The following FAM81A variants were observed in gnomAD, a reference collection of about 807,000 sequenced individuals.
FAM81A encodes the protein family with sequence similarity 81 member A, also known as protein FAM81A.
FAM81A carries 19 observed loss-of-function variants against 46.7 expected under a neutral mutation model. That is an observed-to-expected ratio of 0.41 (90% CI 0.28 to 0.60). FAM81A has a LOEUF of 0.60. Ranked by LOEUF, FAM81A falls within the 20% of genes least tolerant of loss-of-function variation. The pLI is 0.34. For synonymous variants in FAM81A, 183 were observed against 152.9 expected, an observed-to-expected ratio of 1.20 and a Z score of -1.45; for missense variants, 377 against 453.5, an observed-to-expected ratio of 0.83 and a Z score of 1.53.
At chr15:59,414,770 C>T (rs1338951516) in intron 2 of FAM81A, among the ~76,000 whole-genome samples, 3 of 152,078 alleles carry the variant, frequency 2.0e-5, no homozygotes, top group Admixed American at 1.3e-4. Context: ...GTGTATTTAG[C>T]GATGGCATTT....
intron 3 of FAM81A, among the ~76,000 whole-genome samples, chr15:59,485,449 G>T (rs1445890382): frequency 2.0e-5 from 3 of 152,186 alleles, no homozygotes; most frequent in African/African-American, 7.2e-5. Context: ...GAGAAAGTAA[G>T]GGAAGGGAAG....
At chr15:59,400,419 A>G (rs1196722049) in intron 1 of FAM81A, among the ~76,000 whole-genome samples, 1 of 152,188 alleles carries the variant, frequency 6.6e-6, no homozygotes, top group African/African-American at 2.4e-5. Flanking sequence ...TCCCGATCAT[A>G]GCAGTGGTTG....
chr15:59,481,593 C>G (rs890811865), intron 3 of FAM81A, among the ~76,000 whole-genome samples: 8 of 151,996 alleles, frequency 5.3e-5, no homozygotes, highest in Non-Finnish European at 1.0e-4. Flanking sequence ...TACACACTTT[C>G]CCTTGTTGCT....
intron 2 of FAM81A, among the ~76,000 whole-genome samples, chr15:59,405,598 G>A (rs531286626): frequency 1.3e-4 from 19 of 151,924 alleles, no homozygotes; most frequent in African/African-American, 4.3e-4. Context: ...CCGAGATCAC[G>A]CCACTGCACA....
intron 4 of FAM81A, among the ~76,000 whole-genome samples, chr15:59,492,976 G>A (rs117910370): frequency 6.6e-5 from 10 of 152,258 alleles, no homozygotes; most frequent in Middle Eastern, 3.4e-3. Flanking sequence ...GGGAAAGTCC[G>A]GGAAGCACTG....
intron 2 of FAM81A, among the ~76,000 whole-genome samples, chr15:59,414,629 G>A (rs564695403): frequency 9.9e-5 from 15 of 152,192 alleles, no homozygotes; most frequent in African/African-American, 3.4e-4. Flanking sequence ...CTCCTGAGGA[G>A]GGGACTGGTG....
intron 1 of FAM81A, among the ~76,000 whole-genome samples, chr15:59,443,716 AC>A (rs2081325266): frequency 6.6e-6 from 1 of 152,106 alleles, no homozygotes; most frequent in Non-Finnish European, 1.5e-5. Context: ...CCACATCCAG[AC>A]AGTCATTGAG....
At chr15:59,478,445 G>T (rs979524581) in intron 3 of FAM81A, among the ~76,000 whole-genome samples, 1 of 152,216 alleles carries the variant, frequency 6.6e-6, no homozygotes, top group African/African-American at 2.4e-5. Flanking sequence ...AAGCAGGGGC[G>T]TAGACAGTGA....
intron 3 of FAM81A, among the ~76,000 whole-genome samples, chr15:59,471,952 G>C (rs1311985959): frequency 6.6e-6 from 1 of 152,176 alleles, no homozygotes; most frequent in Non-Finnish European, 1.5e-5. Context: ...CTGTGTATTT[G>C]TTAGTAAGAC....
At chr15:59,414,085 G>A (rs1243946793) in intron 2 of FAM81A, among the ~76,000 whole-genome samples, 5 of 152,090 alleles carry the variant, frequency 3.3e-5, no homozygotes, top group Non-Finnish European at 7.4e-5. Flanking sequence ...TGAGTAGCTG[G>A]GATTACAGGT....
chr15:59,467,983 T>G (rs990696544), intron 3 of FAM81A, among the ~76,000 whole-genome samples: 15 of 152,182 alleles, frequency 9.9e-5, no homozygotes, highest in Non-Finnish European at 2.2e-4. Flanking sequence ...GGTTTTGTCA[T>G]TGGTTCTGTT....
chr15:59,501,363 A>G (rs1240462743), intron 4 of FAM81A, among the ~76,000 whole-genome samples: 2 of 152,234 alleles, frequency 1.3e-5, no homozygotes, highest in Non-Finnish European at 2.9e-5. Context: ...ACTAATTGCT[A>G]GCATATTGCT....
At chr15:59,409,971 A>G (rs1478023486) in intron 2 of FAM81A, among the ~76,000 whole-genome samples, 2 of 152,182 alleles carry the variant, frequency 1.3e-5, no homozygotes, top group East Asian at 3.8e-4. Flanking sequence ...TACTATTATT[A>G]TAATATAGAA....
chr15:59,494,615 C>G (rs1348480057), intron 4 of FAM81A, among the ~76,000 whole-genome samples: 1 of 152,150 alleles, frequency 6.6e-6, no homozygotes, highest in Non-Finnish European at 1.5e-5. Flanking sequence ...GTTATGAGTA[C>G]TAAATATTTT....
chr15:59,433,866 C>A (rs1596468453), upstream of FAM81A, among the ~76,000 whole-genome samples: 1 of 151,958 alleles, frequency 6.6e-6, no homozygotes, highest in African/African-American at 2.4e-5. Context: ...GACATAATAC[C>A]TTTGGGACCT....
intron 1 of FAM81A, chr15:59,445,290 T>C (rs1389137040): frequency 4.6e-5 from 7 of 152,148 alleles, no homozygotes; most frequent in African/African-American, 1.4e-4. Flanking sequence ...CGTCGCTGAG[T>C]GTGGCTTAAA....
At chr15:59,433,506 G>A (rs1352335760), upstream of FAM81A, among the ~76,000 whole-genome samples, 2 of 152,102 alleles carry the variant, frequency 1.3e-5, no homozygotes, top group East Asian at 3.9e-4. Context: ...TTGCGAGATG[G>A]ATTAGCCACC....
intron 4 of FAM81A, among the ~76,000 whole-genome samples, chr15:59,505,708 A>ATTC (rs2082142103): frequency 6.6e-6 from 1 of 152,148 alleles, no homozygotes; most frequent in Admixed American, 6.5e-5. Context: ...TCTTGTATAA[A>ATTC]TGACTCTCAC....
chr15:59,509,026 A>G, intron 6 of FAM81A, 57 bp downstream of exon 6: 1 of 1,322,012 alleles, frequency 7.6e-7, no homozygotes, highest in Non-Finnish European at 1.0e-6. Flanking sequence ...AGTTTATGCA[A>G]TACTATGATT....
Sources: allele counts gnomAD v4.1 joint callset (sites outside exome capture counted in the v4.1 genomes callset), GRCh38; gene constraint gnomAD v4.1.1; transcripts MANE v1.5; gene names NCBI Gene and HGNC (gene_info 2026-07-23, HGNC 2026-07-21).